The following SLC22A15 variants were observed in gnomAD, a reference collection of about 807,000 sequenced individuals.
SLC22A15 encodes flipt 1.
Under a neutral mutation model 62.7 loss-of-function variants are expected in SLC22A15, and 45 were observed. The observed-to-expected ratio is 0.72, with a 90% CI of 0.56 to 0.92. SLC22A15 has a LOEUF of 0.92. SLC22A15 is among the 40% of genes least tolerant of loss of function. The probability of loss-of-function intolerance (pLI) is 0.00; values close to 1 mark genes in which losing one functional copy is unlikely to be tolerated. For missense variants in SLC22A15, 622 were observed against 665.6 expected, an observed-to-expected ratio of 0.93 and a Z score of 0.72; for synonymous variants, 264 against 267.0, an observed-to-expected ratio of 0.99 and a Z score of 0.11.
chr1:116,055,475 T>C (rs796337456), intron 8 of SLC22A15, among the ~76,000 whole-genome samples: 6,465 of 148,302 alleles, frequency 0.044, 180 homozygotes, highest in African/African-American at 0.069. Context: ...CTACCAGAGG[T>C]ACAAGGAGGA....
rs1658559321 is a variant in SLC22A15 at position 116,069,074 on chromosome 1, T to A, written c.*1966T>A. On this transcript the variant is annotated 3_prime_UTR_variant, in exon 12 of 12. Transcript: ENST00000369503. ...AGTCCATCTCTCTATTGGCACTGGGTTCGATTGCCTCTGGCTAATAGAGTT... is the reference window on the plus strand; with the variant it reads ...AGTCCATCTCTCTATTGGCACTGGGATCGATTGCCTCTGGCTAATAGAGTT... The A allele has an allele frequency of 6.6e-6, 1 of 152,182 alleles. No homozygotes were observed. Among genetic ancestry groups the A allele is most frequent in the Non-Finnish European group, 1.5e-5 (1 of 68,034 alleles). 9.4% of individuals were successfully genotyped at this position (152,182 alleles called of 1,614,324 possible).
At chr1:116,066,492 A>C in intron 10 of SLC22A15, 28 bp from the exon 11 acceptor site, 1 of 1,483,384 alleles carries the variant, frequency 6.7e-7, no homozygotes, top group Non-Finnish European at 9.1e-7. Context: ...TCTCTGGTTT[A>C]TTTTCATTCC....
intron 8 of SLC22A15, among the ~76,000 whole-genome samples, chr1:116,044,086 G>A (rs190855115): frequency 7.2e-5 from 11 of 152,174 alleles, no homozygotes; most frequent in Admixed American, 3.9e-4. Context: ...TAACTCTCCC[G>A]GCTTAGCCTC....
chr1:116,062,166 G>A (rs758883197), intron 8 of SLC22A15, among the ~76,000 whole-genome samples: 1 of 152,166 alleles, frequency 6.6e-6, no homozygotes, highest in Non-Finnish European at 1.5e-5. Flanking sequence ...GTGAGATCGC[G>A]CTGTGGCACT....
chr1:116,050,904 T>A (rs1658033733), intron 8 of SLC22A15, among the ~76,000 whole-genome samples: 1 of 152,084 alleles, frequency 6.6e-6, no homozygotes, highest in African/African-American at 2.4e-5. Flanking sequence ...TGTACAGAAA[T>A]CAGTAGCTCT....
chr1:116,054,880 G>C (rs1477124793), intron 8 of SLC22A15, among the ~76,000 whole-genome samples: 1 of 151,814 alleles, frequency 6.6e-6, no homozygotes, highest in African/African-American at 2.4e-5. Flanking sequence ...CAACATACCA[G>C]AATCTCTGGG....
intron 8 of SLC22A15, among the ~76,000 whole-genome samples, chr1:116,054,728 C>G (rs575277489): frequency 7.2e-5 from 11 of 152,126 alleles, no homozygotes; most frequent in Non-Finnish European, 1.5e-4. Context: ...TGCAATCAAA[C>G]TAGAACTCAG....
chr1:116,026,079 T>C (rs539554141), intron 4 of SLC22A15, among the ~76,000 whole-genome samples: 2 of 152,234 alleles, frequency 1.3e-5, no homozygotes, highest in East Asian at 3.9e-4. Flanking sequence ...ATACATTAAG[T>C]AGAGAAGGCA....
At position 116,031,359 on chromosome 1, in the gene SLC22A15, C is replaced by T; in HGVS notation, c.729-7C>T. The T allele has an allele frequency of 6.2e-7, 1 of 1,609,126 alleles. No individual in the cohort carries two copies. Among genetic ancestry groups the T allele is most frequent in the Non-Finnish European group, 8.5e-7 (1 of 1,176,932 alleles). ...GAATATACAGGCTTTAATGACATCT[C>T]TTTCAGATTCATTCCTGAATCACCT... On this transcript the variant is annotated splice_region_variant and splice_polypyrimidine_tract_variant and intron_variant, in intron 5 of 11. Coordinates refer to ENST00000369503, the MANE Select transcript of SLC22A15 (RefSeq NM_018420.3).
At chr1:116,065,412 G>T (rs867047724) in intron 10 of SLC22A15, among the ~76,000 whole-genome samples, 10 of 152,160 alleles carry the variant, frequency 6.6e-5, no homozygotes, top group African/African-American at 2.4e-4. Flanking sequence ...TATAGGTACT[G>T]TTAGAGATAT....
chr1:115,987,898 G>A (rs1654953221), intron 1 of SLC22A15, among the ~76,000 whole-genome samples: 1 of 152,000 alleles, frequency 6.6e-6, no homozygotes, highest in Admixed American at 6.6e-5. Context: ...AATAAACATT[G>A]TACTGAACCA....
At chr1:116,060,762 T>C (rs1658361096) in intron 8 of SLC22A15, among the ~76,000 whole-genome samples, 1 of 152,148 alleles carries the variant, frequency 6.6e-6, no homozygotes, top group Non-Finnish European at 1.5e-5. Context: ...GAAACATATC[T>C]CAGGGTAAAT....
At chr1:116,049,460 G>A (rs1227431744) in intron 8 of SLC22A15, among the ~76,000 whole-genome samples, 3 of 151,808 alleles carry the variant, frequency 2.0e-5, no homozygotes, top group Admixed American at 1.3e-4. Context: ...TCAAACCCAC[G>A]CAAATACATG....
chr1:116,013,111 G>A (rs1656352948), intron 2 of SLC22A15, among the ~76,000 whole-genome samples: 1 of 152,144 alleles, frequency 6.6e-6, no homozygotes, highest in Non-Finnish European at 1.5e-5. Flanking sequence ...TAGGTTAGGT[G>A]CATTAAATGC....
chr1:116,029,547 G>A (rs969425208), intron 5 of SLC22A15, among the ~76,000 whole-genome samples: 11 of 152,110 alleles, frequency 7.2e-5, no homozygotes, highest in African/African-American at 2.7e-4. Flanking sequence ...CTGGCAACTA[G>A]GTGACCCTCT....
chr1:116,055,545 A>T (rs1658178517), intron 8 of SLC22A15, among the ~76,000 whole-genome samples: 1 of 148,446 alleles, frequency 6.7e-6, no homozygotes, highest in Admixed American at 6.7e-5. Flanking sequence ...ATCCTCCTTA[A>T]GTCATTTTAT....
chr1:116,049,084 C>T (rs1236177176), intron 8 of SLC22A15, among the ~76,000 whole-genome samples: 1 of 152,178 alleles, frequency 6.6e-6, no homozygotes, highest in African/African-American at 2.4e-5. Context: ...AACACTAGAG[C>T]TCTCAAATTT....
At chr1:116,017,238 G>A (rs942878270) in intron 2 of SLC22A15, among the ~76,000 whole-genome samples, 2 of 151,936 alleles carry the variant, frequency 1.3e-5, no homozygotes, top group African/African-American at 4.8e-5. Context: ...CGTATTTAAA[G>A]TGGCTCCCTC....
intron 4 of SLC22A15, among the ~76,000 whole-genome samples, chr1:116,026,522 A>G (rs925884243): frequency 1.3e-5 from 2 of 152,334 alleles, no homozygotes; most frequent in African/African-American, 4.8e-5. Context: ...CAATAACCTC[A>G]TGACCTGAAA....
Sources: allele counts gnomAD v4.1 joint callset (sites outside exome capture counted in the v4.1 genomes callset), GRCh38; gene constraint gnomAD v4.1.1; transcripts MANE v1.5; gene names NCBI Gene and HGNC (gene_info 2026-07-23, HGNC 2026-07-21).